ALOX12: variants seen among roughly 807,000 people sequenced by gnomAD.
The protein encoded by ALOX12 is arachidonate 12-lipoxygenase, 12S type, also known as polyunsaturated fatty acid lipoxygenase ALOX12.
A neutral mutation model predicts 85.5 loss-of-function variants in ALOX12; 62 were observed. That is an observed-to-expected ratio of 0.73 (90% CI 0.59 to 0.90). The LOEUF (loss-of-function observed/expected upper bound fraction) is 0.90, where lower values mean the gene tolerates loss of function less well. Ranked by LOEUF, ALOX12 falls within the 40% of genes least tolerant of loss-of-function variation. ALOX12 has a pLI of 0.00. For missense variants in ALOX12, 751 were observed against 856.5 expected (o/e 0.88, Z 1.54); for synonymous variants, 299 against 332.7 (o/e 0.90, Z 1.10).
intron 8 of ALOX12, among the ~76,000 whole-genome samples, chr17:7,003,682 T>C (rs2941565): frequency 0.94 from 143,278 of 152,258 alleles, 67,912 homozygotes; most frequent in Non-Finnish European, 1. Flanking sequence ...CCTGCCTCAG[T>C]CTCCCAAGTA....
rs756050095 is a variant in ALOX12, at chr17:7,010,262, A to G, written c.1831A>G (p.Lys611Glu). 6.2e-7 allele frequency: 1 copy of G among 1,613,866 alleles called. No individual in the cohort carries two copies. The highest frequency in any genetic ancestry group is 8.5e-7 in the Non-Finnish European group (1 of 1,179,932). ...QPDMVPLGHHKEKYFSGPKPK... is the reference protein window; with the variant it reads ...QPDMVPLGHHEEKYFSGPKPK... ...GTCTCAGGTGCCTCTGGGGCACCACAAAGAAAAATATTTCTCAGGCCCCAA... is the reference window on the plus strand; with the variant it reads ...GTCTCAGGTGCCTCTGGGGCACCACGAAGAAAAATATTTCTCAGGCCCCAA... The change falls in exon 14 of 14, where the codon AAA becomes GAA. Residue 611 changes from lysine (K) to glutamate (E), a missense_variant. Physicochemically the swap from Lys to Glu is moderately conservative, Grantham distance 56. Coordinates refer to ENST00000251535, the MANE Select transcript of ALOX12 (RefSeq NM_000697.3).
chr17:6,996,258 C>T lies in ALOX12; in HGVS notation c.135+6C>T, dbSNP rs1319658170. The T allele has an allele frequency of 8.1e-7, 1 of 1,234,014 alleles. No individual in the cohort carries two copies. The highest frequency in any genetic ancestry group is 1.0e-6 in the Non-Finnish European group (1 of 984,140). 76.4% of individuals were successfully genotyped at this position (1,234,014 alleles called of 1,614,324 possible). ...TGCGGCCCGCGCGGGGCGAGGTCAG[C>T]GCGGGGAGCGAGGGGAGCTAGGGCA... On this transcript the variant is annotated splice_donor_region_variant and intron_variant, in intron 1 of 13. Coordinates refer to ENST00000251535, the MANE Select transcript of ALOX12 (RefSeq NM_000697.3).
Position 6,999,073 on chromosome 17 carries a change from G to A in ALOX12, c.646+17G>A. ...CCCTGGCTGGTCAGTGGTTCCCCGA[G>A]GTCTCCATAATCCCTTAATGGCCCC... On this transcript the variant is annotated intron_variant, in intron 5 of 13. Transcript: ENST00000251535. 2 of 1,609,820 alleles carry A rather than the reference G, an allele frequency of 1.2e-6. No individual in the cohort carries two copies. Among genetic ancestry groups the A allele is most frequent in the Non-Finnish European group, 1.7e-6 (2 of 1,176,992 alleles).
At position 7,005,272 on chromosome 17, in the gene ALOX12, A is replaced by G; in HGVS notation, c.1177A>G (p.Ile393Val). ...TCCTCTCCAGTTCCTGATCCCCCAT[A>G]TCCGCTACACCATGGAAATCAACAC... ...HPIFKFLIPH[I>V]RYTMEINTRA... Residue 393 changes from isoleucine to valine, a missense_variant, in exon 9 of 14, where the codon ATC becomes GTC. Ile to Val is a conservative substitution (Grantham distance 29). Transcript: ENST00000251535. 1 of 1,613,462 alleles carries G rather than the reference A, an allele frequency of 6.2e-7. No homozygotes were observed.
rs1567719754 is a variant in ALOX12 at position 7,005,888 on chromosome 17, C to A, written c.1279C>A (p.Gln427Lys). 8 of 1,613,278 alleles carry A rather than the reference C, an allele frequency of 5.0e-6. No individual in the cohort carries two copies. Among genetic ancestry groups the A allele is most frequent in the Non-Finnish European group, 5.9e-6 (7 of 1,179,926 alleles). ...AVSTGGGGHV[Q>K]LLRRAAAQLT... ...GAGCACAGGTGGAGGGGGCCATGTA[C>A]AGTTGCTCCGTCGGGCGGCAGCTCA... The change falls in exon 10 of 14, where the codon CAG becomes AAG. Residue 427 changes from glutamine (Q) to lysine (K), a missense_variant. Physicochemically the swap from Gln to Lys is moderately conservative, Grantham distance 53. Transcript: ENST00000251535.
intron 11 of ALOX12, among the ~76,000 whole-genome samples, chr17:7,007,197 A>G (rs1309009651): frequency 6.6e-6 from 1 of 151,464 alleles, no homozygotes; most frequent in East Asian, 1.9e-4. Flanking sequence ...GGCTAATCCA[A>G]CTCTTCCACC....
At position 7,007,082 on chromosome 17, in the gene ALOX12, C is replaced by T. The variant is rs569458921; in HGVS notation, c.1540+475C>T. ...GCACAGAGGGTCCAGGAATACCGCA[C>T]GCTTGCTACAGTGCAAGGTCAGCTC... On this transcript the variant is annotated intron_variant, in intron 11 of 13. Coordinates refer to ENST00000251535, the MANE Select transcript of ALOX12 (RefSeq NM_000697.3). 3.3e-5 allele frequency among the ~76,000 whole-genome samples: 5 copies of T among 152,316 alleles called. No homozygotes were observed. In the South Asian group the frequency reaches 1.0e-3, roughly 32 times the overall value.
In ALOX12 at chr17:7,006,548, A is replaced by T; in HGVS notation, c.1481A>T (p.Glu494Val). 2.5e-6 allele frequency: 4 copies of T among 1,613,670 alleles called. No homozygotes were observed. The highest frequency in any genetic ancestry group is 1.1e-5 in the South Asian group (1 of 91,070). The change falls in exon 11 of 14, where the codon GAG becomes GTG. Residue 494 changes from glutamate to valine, a missense_variant. Physicochemically the swap from Glu to Val is moderately radical, Grantham distance 121. Coordinates refer to ENST00000251535, the MANE Select transcript of ALOX12 (RefSeq NM_000697.3). ...QRDDIVKGDP[E>V]LQAWCREITE... is the part of the protein sequence containing the mutation. ...GATGACATAGTGAAGGGGGACCCTGAGCTGCAGGCCTGGTGTCGGGAGATC... is the reference window on the plus strand; with the variant it reads ...GATGACATAGTGAAGGGGGACCCTGTGCTGCAGGCCTGGTGTCGGGAGATC...
Position 7,000,380 on chromosome 17 carries a change from T to G in ALOX12, c.852T>G (p.Ile284Met). The change falls in exon 7 of 14, where the codon ATT (isoleucine) becomes ATG (methionine). Residue 284 changes from isoleucine to methionine, a missense_variant. Ile to Met is a conservative substitution (Grantham distance 10). Coordinates refer to ENST00000251535, the MANE Select transcript of ALOX12 (RefSeq NM_000697.3). The surrounding 1 kb of genome is among the most constrained non-coding windows in gnomAD (Gnocchi z 4.6). ...CTGACTTCATCCTTCTGGATGGAAT[T>G]CCAGCCAACGTGATCCGAGGAGAGA... The part of the protein sequence containing the change: ...FEADFILLDG[I>M]PANVIRGEKQ... 2.5e-6 allele frequency: 4 copies of G among 1,614,168 alleles called. No homozygotes were observed. Among genetic ancestry groups the G allele is most frequent in the Non-Finnish European group, 3.4e-6 (4 of 1,180,020 alleles).
In ALOX12 at chr17:6,996,157, C is replaced by G; in HGVS notation, c.40C>G (p.Leu14Val). Residue 14 changes from leucine (L) to valine (V), a missense_variant, in exon 1 of 14, where the codon CTC (leucine) becomes GTC (valine). By Grantham distance (32) the Leu-to-Val change is conservative (BLOSUM62 1). Coordinates refer to ENST00000251535, the MANE Select transcript of ALOX12 (RefSeq NM_000697.3). The part of the protein sequence containing the change: ...YRIRVATGAW[L>V]FSGSYNRVQL... ...CATCCGCGTGGCCACCGGGGCCTGG[C>G]TCTTCTCCGGGTCGTACAACCGCGT... The G allele has an allele frequency of 8.0e-7, 1 of 1,253,776 alleles. No homozygotes were observed. 77.7% of individuals were successfully genotyped at this position (1,253,776 alleles called of 1,614,324 possible). A position where few individuals can be genotyped will look rare whatever the true frequency, so the allele number is the denominator to read the frequency against.
chr17:6,998,507 A>G lies in ALOX12; in HGVS notation c.338-2A>G. The G allele has an allele frequency of 6.2e-7, 1 of 1,610,610 alleles. No individual in the cohort carries two copies. ...AGGCCAATTGTCTTGATGTCTCCCC[A>G]GCCCGCCTGCCAGGAGACAATGCTT... On this transcript the variant is annotated splice_acceptor_variant, in intron 2 of 13. Coordinates refer to ENST00000251535, the MANE Select transcript of ALOX12 (RefSeq NM_000697.3). LOFTEE classifies it high-confidence loss of function.
At position 7,006,009 on chromosome 17, in the gene ALOX12, T is replaced by TCTGGGAGA. The variant is rs1909030840; in HGVS notation, c.1401_1408dup (p.Ile470ThrfsTer22). On this transcript the variant is annotated frameshift_variant, in exon 10 of 14. Transcript: ENST00000251535. LOFTEE classifies it high-confidence loss of function. ...CTCTATGCCCATGATGCTTTACGGC[T>TCTGGGAGA]CTGGGAGATCATTGCCAGGTGAGTA... 1 of 1,468,916 alleles carries TCTGGGAGA rather than the reference T, an allele frequency of 6.8e-7. No individual in the cohort carries two copies. Among genetic ancestry groups the TCTGGGAGA allele is most frequent in the African/African-American group, 1.7e-5 (1 of 59,534 alleles). The allele number at this position is 1,468,916 out of a possible 1,614,324, so 91.0% of individuals were successfully genotyped here. A position where few individuals can be genotyped will look rare whatever the true frequency, so the allele number is the denominator to read the frequency against.
At chr17:6,998,330 A>C (rs929797164) in intron 2 of ALOX12, among the ~76,000 whole-genome samples, 179 bp from the exon 3 acceptor site, 4 of 152,206 alleles carry the variant, frequency 2.6e-5, no homozygotes, top group Non-Finnish European at 5.9e-5. Flanking sequence ...CAGGAGTGCA[A>C]AGTTGGCAAA....
Position 7,006,501 on chromosome 17 carries a change from C to G in ALOX12, c.1434C>G (p.Ile478Met), listed in dbSNP as rs747717499. Residue 478 changes from isoleucine (I) to methionine (M), a missense_variant, in exon 11 of 14, where the codon ATC becomes ATG. Coordinates refer to ENST00000251535, the MANE Select transcript of ALOX12 (RefSeq NM_000697.3). ...WEIIARYVEGIVHLFYQRDDI... is the reference protein window; with the variant it reads ...WEIIARYVEGMVHLFYQRDDI... Reference sequence around the variant, plus strand: ...CCCTGGGCAGGTATGTGGAGGGGATCGTCCACCTCTTCTACCAAAGGGATG... The same window carrying G: ...CCCTGGGCAGGTATGTGGAGGGGATGGTCCACCTCTTCTACCAAAGGGATG... 7 of 1,613,550 alleles carry G rather than the reference C, an allele frequency of 4.3e-6. No homozygotes were observed. Among genetic ancestry groups the G allele is most frequent in the African/African-American group, 4.0e-5 (3 of 74,884 alleles).
intron 10 of ALOX12, 104 bp downstream of exon 10, chr17:7,006,131 A>G: frequency 1.0e-6 from 1 of 969,182 alleles, no homozygotes; most frequent in East Asian, 2.7e-5. Flanking sequence ...GGAGAAGCAG[A>G]GAACTCAATC....
chr17:6,997,766 T>C (rs914201488), intron 2 of ALOX12, among the ~76,000 whole-genome samples: 1 of 151,970 alleles, frequency 6.6e-6, no homozygotes, highest in Non-Finnish European at 1.5e-5. Context: ...TTCACCGTAT[T>C]AGCCAGGATG....
chr17:7,010,229 T>G lies in ALOX12; in HGVS notation c.1813-15T>G. 6.2e-7 allele frequency: 1 copy of G among 1,610,676 alleles called. No individual in the cohort carries two copies. The highest frequency in any genetic ancestry group is 2.2e-5 in the East Asian group (1 of 44,832). ...TTTGTCTTTAGAAACTGACTGATCC[T>G]TTGTTCTGTCTCAGGTGCCTCTGGG... On this transcript the variant is annotated splice_polypyrimidine_tract_variant and intron_variant, in intron 13 of 13. Transcript: ENST00000251535.
In ALOX12 at chr17:6,997,040, C is replaced by T. The variant is rs11571329; in HGVS notation, c.337+13C>T. 29 of 1,527,324 alleles carry T rather than the reference C, an allele frequency of 1.9e-5. No individual in the cohort carries two copies. In the African/African-American group the frequency reaches 2.1e-4, roughly 11 times the overall value. The allele number at this position is 1,527,324 out of a possible 1,614,324, so 94.6% of individuals were successfully genotyped here. ...CCCGAGGGCACCGGTGAGCAGGCGG[C>T]GTCGGGGAAGGAGGCACAAGGTCTC... On this transcript the variant is annotated intron_variant, in intron 2 of 13. Transcript: ENST00000251535.
In ALOX12 at chr17:7,010,041, C is replaced by T. The variant is rs1239609463; in HGVS notation, c.1727C>T (p.Thr576Ile). The change falls in exon 13 of 14, where the codon ACA becomes ATA. Residue 576 changes from threonine to isoleucine, a missense_variant. Coordinates refer to ENST00000251535, the MANE Select transcript of ALOX12 (RefSeq NM_000697.3). ...ACCAAGGAAGATGTGACGATGGCCA[C>T]AGTGATGGGGTCACTACCTGATGTC... ...PTTKEDVTMA[T>I]VMGSLPDVRQ... is the part of the protein sequence containing the mutation. 1 of 1,614,094 alleles carries T rather than the reference C, an allele frequency of 6.2e-7. No homozygotes were observed. The highest frequency in any genetic ancestry group is 8.5e-7 in the Non-Finnish European group (1 of 1,180,040).
Sources: allele counts gnomAD v4.1 joint callset (sites outside exome capture counted in the v4.1 genomes callset), GRCh38; gene constraint gnomAD v4.1.1; non-coding constraint Gnocchi (gnomAD v3.1); transcripts MANE v1.5; gene names NCBI Gene and HGNC (gene_info 2026-07-23, HGNC 2026-07-21).